Variants in PARM1 observed in about 807,000 individuals in gnomAD.
The protein encoded by PARM1 is prostate androgen-regulated mucin-like protein 1.
A neutral mutation model predicts 24.6 loss-of-function variants in PARM1; 14 were observed. That is an observed-to-expected ratio of 0.57 (90% CI 0.38 to 0.89). PARM1 has a LOEUF of 0.89. Ranked by LOEUF, PARM1 falls within the 40% of genes least tolerant of loss-of-function variation. The pLI, the probability that PARM1 is intolerant of heterozygous loss-of-function variation, is 0.00. For synonymous variants in PARM1, 179 were observed against 156.6 expected, an observed-to-expected ratio of 1.14 and a Z score of -1.07; for missense variants, 362 against 380.4, an observed-to-expected ratio of 0.95 and a Z score of 0.40.
rs766897285 is a variant in PARM1 at position 75,046,250 on chromosome 4, A to G, written c.*3A>G. ...ACCCTCTGTACGATGACTCCTAACA[A>G]TGGAATATGGCCTGGGATGAGGATT... On this transcript the variant is annotated 3_prime_UTR_variant, in exon 4 of 4. Transcript: ENST00000307428. The G allele has an allele frequency of 1.8e-5, 28 of 1,574,712 alleles. No individual in the cohort carries two copies. Among genetic ancestry groups the G allele is most frequent in the South Asian group, 1.1e-4 (10 of 90,268 alleles).
chr4:74,983,412 GTCA>G (rs1722296381), intron 1 of PARM1, among the ~76,000 whole-genome samples: 1 of 152,156 alleles, frequency 6.6e-6, no homozygotes, highest in Non-Finnish European at 1.5e-5. Flanking sequence ...ATGACTCAAG[GTCA>G]TTGTCACAGA....
intron 2 of PARM1, among the ~76,000 whole-genome samples, chr4:75,026,105 A>T (rs915153365): frequency 1.3e-5 from 2 of 152,246 alleles, no homozygotes; most frequent in Admixed American, 1.3e-4. Context: ...AATTAAAAAT[A>T]CTTCTGTAGC....
chr4:75,031,858 C>T (rs1345075312), intron 2 of PARM1, among the ~76,000 whole-genome samples: 1 of 152,182 alleles, frequency 6.6e-6, no homozygotes, highest in African/African-American at 2.4e-5. Context: ...CTCCCATCAC[C>T]TTACCCTATG....
intron 1 of PARM1, 48 bp downstream of exon 1, chr4:74,933,418 A>C (rs554786080): frequency 5.8e-5 from 90 of 1,549,354 alleles, no homozygotes; most frequent in Non-Finnish European, 2.5e-5. Context: ...GGTGGGCCCC[A>C]GTAGCTAGCG....
intron 2 of PARM1, among the ~76,000 whole-genome samples, chr4:75,029,636 C>G (rs1348156008): frequency 6.6e-6 from 1 of 152,110 alleles, no homozygotes; most frequent in African/African-American, 2.4e-5. Flanking sequence ...CTTGAGTATG[C>G]CTTTGTTAGC....
At chr4:75,027,278 G>A (rs1266998137) in intron 2 of PARM1, among the ~76,000 whole-genome samples, 1 of 152,014 alleles carries the variant, frequency 6.6e-6, no homozygotes, top group Non-Finnish European at 1.5e-5. Flanking sequence ...CTGCCTATTG[G>A]GTCTCTACAC....
At chr4:75,043,079 G>A (rs577002004) in intron 3 of PARM1, among the ~76,000 whole-genome samples, 5 of 152,168 alleles carry the variant, frequency 3.3e-5, no homozygotes, top group South Asian at 2.1e-4. Context: ...AATAACCATA[G>A]CCAGTAAACC....
chr4:75,042,664 A>G (rs185197400), intron 3 of PARM1, among the ~76,000 whole-genome samples: 51 of 152,150 alleles, frequency 3.4e-4, no homozygotes, highest in African/African-American at 1.2e-3. Context: ...CCATGATTTA[A>G]GAGGTTCTGA....
intron 2 of PARM1, among the ~76,000 whole-genome samples, chr4:75,033,404 C>T (rs371654805): frequency 2.0e-5 from 3 of 151,708 alleles, no homozygotes; most frequent in South Asian, 2.1e-4. Context: ...ATGAAAAAAC[C>T]GAAAAAAACA....
intron 2 of PARM1, among the ~76,000 whole-genome samples, chr4:75,014,691 C>T (rs1412370546): frequency 6.6e-6 from 1 of 152,146 alleles, no homozygotes; most frequent in African/African-American, 2.4e-5. Context: ...GGTTGGCCTC[C>T]TAGAGGGCTG....
intron 1 of PARM1, 112 bp downstream of exon 1, chr4:74,933,482 G>A: frequency 1.1e-6 from 1 of 884,328 alleles, no homozygotes; most frequent in Non-Finnish European, 1.9e-6. Flanking sequence ...CGCGCCTCCG[G>A]GTGAGTGCGC....
At chr4:75,013,761 G>C (rs1722926312) in intron 2 of PARM1, among the ~76,000 whole-genome samples, 1 of 152,194 alleles carries the variant, frequency 6.6e-6, no homozygotes, top group Non-Finnish European at 1.5e-5. Context: ...TCAAGGGAAA[G>C]ACAATAAATT....
chr4:75,023,472 C>T (rs1376605666), intron 2 of PARM1, among the ~76,000 whole-genome samples: 4 of 152,118 alleles, frequency 2.6e-5, no homozygotes, highest in Non-Finnish European at 4.4e-5. Flanking sequence ...TGGATACCAA[C>T]CAGCAAGAGT....
chr4:74,992,170 T>A (rs1029879782), intron 1 of PARM1, among the ~76,000 whole-genome samples: 5 of 152,108 alleles, frequency 3.3e-5, no homozygotes, highest in African/African-American at 7.2e-5. Context: ...ATCAGGAAGG[T>A]CCTCAAACCT....
intron 1 of PARM1, among the ~76,000 whole-genome samples, chr4:74,974,470 C>T (rs941801364): frequency 1.1e-4 from 16 of 152,238 alleles, no homozygotes; most frequent in Non-Finnish European, 8.8e-5. Flanking sequence ...CAATATAATT[C>T]GGCTCATTCA....
At chr4:74,944,027 C>A (rs1721362421) in intron 1 of PARM1, among the ~76,000 whole-genome samples, 1 of 152,166 alleles carries the variant, frequency 6.6e-6, no homozygotes, top group African/African-American at 2.4e-5. Context: ...ATAAAACCTG[C>A]ACCTTAGCTG....
chr4:75,046,248 C>A lies in PARM1; in HGVS notation c.*1C>A. The stretch of plus-strand genomic sequence containing the variant: ...CAACCCTCTGTACGATGACTCCTAA[C>A]AATGGAATATGGCCTGGGATGAGGA... On this transcript the variant is annotated 3_prime_UTR_variant, in exon 4 of 4. Transcript: ENST00000307428. 6.3e-7 allele frequency: 1 copy of A among 1,585,420 alleles called. No individual in the cohort carries two copies. The highest frequency in any genetic ancestry group is 8.7e-7 in the Non-Finnish European group (1 of 1,153,836).
At chr4:75,008,627 G>A (rs891887420) in intron 1 of PARM1, among the ~76,000 whole-genome samples, 2 of 152,114 alleles carry the variant, frequency 1.3e-5, no homozygotes, top group African/African-American at 4.8e-5. Context: ...ACATTCCATG[G>A]TATCAGTACA....
At chr4:74,971,906 T>C (rs1383342470) in intron 1 of PARM1, among the ~76,000 whole-genome samples, 1 of 152,204 alleles carries the variant, frequency 6.6e-6, no homozygotes, top group Non-Finnish European at 1.5e-5. Context: ...CAGCACTGAT[T>C]AGCTGGATGG....
Sources: gnomAD v4.1 joint callset for allele counts (sites outside exome capture counted in the v4.1 genomes callset) on GRCh38, gnomAD v4.1.1 for gene constraint, MANE v1.5 for transcripts, NCBI Gene and HGNC (gene_info 2026-07-23, HGNC 2026-07-21) for gene names.